Variants in CORIN observed in about 807,000 individuals in gnomAD.
CORIN encodes the protein corin, serine peptidase, also known as atrial natriuretic peptide-converting enzyme.
A neutral mutation model predicts 125.3 loss-of-function variants in CORIN; 117 were observed. The ratio of observed to expected loss-of-function variants is 0.93; its 90% CI spans 0.80 to 1.09. CORIN has a LOEUF of 1.09. CORIN is among the 50% of genes least tolerant of loss of function. The probability of loss-of-function intolerance (pLI) is 0.00; values close to 1 mark genes in which losing one functional copy is unlikely to be tolerated. For synonymous variants in CORIN, 450 were observed against 466.4 expected (o/e 0.96, Z 0.45); for missense variants, 1,253 against 1,306.7 (o/e 0.96, Z 0.63).
At chr4:47,609,280 C>A (rs544630407) in intron 19 of CORIN, among the ~76,000 whole-genome samples, 13 of 152,072 alleles carry the variant, frequency 8.5e-5, no homozygotes, top group Non-Finnish European at 1.6e-4. Flanking sequence ...ACTCTTGTCA[C>A]CCCGGCTGAA....
At chr4:47,760,214 G>T (rs1427107323) in intron 4 of CORIN, among the ~76,000 whole-genome samples, 2 of 152,206 alleles carry the variant, frequency 1.3e-5, no homozygotes, top group Non-Finnish European at 2.9e-5. Context: ...TAACAGGCAA[G>T]AAAACAACAT....
intron 6 of CORIN, among the ~76,000 whole-genome samples, chr4:47,690,043 T>C (rs1020447787): frequency 2.0e-4 from 31 of 152,118 alleles, no homozygotes; most frequent in Admixed American, 1.6e-3. Context: ...ATCCAACAAA[T>C]ACTTAAGAAG....
intron 16 of CORIN, among the ~76,000 whole-genome samples, chr4:47,631,296 C>T (rs897807683): frequency 4.6e-5 from 7 of 152,114 alleles, no homozygotes; most frequent in African/African-American, 1.7e-4. Context: ...GAGGTGAGTG[C>T]GGGGCAAGCC....
At chr4:47,695,870 A>G (rs1044648150) in intron 5 of CORIN, among the ~76,000 whole-genome samples, 2 of 152,230 alleles carry the variant, frequency 1.3e-5, no homozygotes, top group Middle Eastern at 6.3e-3. Context: ...CATGAGGTCA[A>G]CATTGAAATG....
intron 1 of CORIN, among the ~76,000 whole-genome samples, chr4:47,815,027 G>T (rs549320653): frequency 3.9e-5 from 6 of 152,244 alleles, no homozygotes; most frequent in African/African-American, 1.4e-4. Context: ...TATAACATTA[G>T]TGTTTCTGTT....
chr4:47,619,302 A>T (rs2351787), intron 19 of CORIN, among the ~76,000 whole-genome samples: 40,991 of 152,120 alleles, frequency 0.27, 5,670 homozygotes, highest in Admixed American at 0.35. Flanking sequence ...AAATATAATT[A>T]AAAAAGAGAC....
intron 5 of CORIN, among the ~76,000 whole-genome samples, chr4:47,721,642 CA>C (rs1727356815): frequency 6.6e-6 from 1 of 152,140 alleles, no homozygotes; most frequent in Admixed American, 6.5e-5. Flanking sequence ...GTTACGGTTT[CA>C]GCATGTAAAT....
chr4:47,812,341 GA>G (rs989085643), intron 1 of CORIN, among the ~76,000 whole-genome samples: 5 of 151,578 alleles, frequency 3.3e-5, no homozygotes, highest in African/African-American at 4.8e-5. Flanking sequence ...TCTACAAAAA[GA>G]AAAAAAATTA....
At chr4:47,673,066 GAAGT>G (rs1474950477) in intron 10 of CORIN, among the ~76,000 whole-genome samples, 1 of 152,112 alleles carries the variant, frequency 6.6e-6, no homozygotes, top group Non-Finnish European at 1.5e-5. Context: ...CATGTGTTAA[GAAGT>G]AATACCCTGG....
At chr4:47,727,471 A>G (rs1157730958) in intron 5 of CORIN, among the ~76,000 whole-genome samples, 1 of 152,164 alleles carries the variant, frequency 6.6e-6, no homozygotes, top group African/African-American at 2.4e-5. Flanking sequence ...GATTGAAAGT[A>G]CAACTTTTTG....
intron 2 of CORIN, among the ~76,000 whole-genome samples, chr4:47,793,823 G>T (rs1006069437): frequency 6.6e-6 from 1 of 152,128 alleles, no homozygotes; most frequent in African/African-American, 2.4e-5. Flanking sequence ...AATCATCTGG[G>T]GTGGTTCTTG....
chr4:47,711,037 T>C (rs529974067), intron 5 of CORIN, among the ~76,000 whole-genome samples: 6 of 152,266 alleles, frequency 3.9e-5, no homozygotes, highest in Admixed American at 6.5e-5. Flanking sequence ...CCCTCAGACT[T>C]TGAAGAACAA....
chr4:47,751,222 C>T (rs1166011043), intron 4 of CORIN, among the ~76,000 whole-genome samples: 1 of 152,144 alleles, frequency 6.6e-6, no homozygotes, highest in Non-Finnish European at 1.5e-5. Flanking sequence ...TCAATATTAA[C>T]TCCTTCTCCA....
rs753194647 is a variant in CORIN at position 47,693,058 on chromosome 4, A to G, written c.825T>C (p.Phe275=). The change falls in exon 6 of 22, where the codon TTT becomes TTC. Residue 275 remains phenylalanine (F), a synonymous_variant. Coordinates refer to ENST00000273857, the MANE Select transcript of CORIN (RefSeq NM_006587.4). ...GGATGCAGATTCCACTGGCACACAG[A>G]AAGTTCTCACCCCTTCCACAGAGCA... is the stretch of plus-strand genomic sequence containing the variant. ...KQLLCGRGEN[F]LCASGICIPG... is the part of the protein sequence containing the mutation. The G allele has an allele frequency of 6.2e-7, 1 of 1,613,536 alleles. No homozygotes were observed. The highest frequency in any genetic ancestry group is 1.3e-5 in the African/African-American group (1 of 74,884).
At chr4:47,649,166 G>A (rs1723621484) in intron 13 of CORIN, among the ~76,000 whole-genome samples, 1 of 152,220 alleles carries the variant, frequency 6.6e-6, no homozygotes, top group Non-Finnish European at 1.5e-5. Flanking sequence ...GTTATGGCAT[G>A]CTCTTCACAT....
intron 4 of CORIN, among the ~76,000 whole-genome samples, chr4:47,761,328 A>G (rs981183998): frequency 6.6e-6 from 1 of 152,202 alleles, no homozygotes; most frequent in African/African-American, 2.4e-5. Flanking sequence ...CTTAGAGGCC[A>G]TTGTAGGGTT....
intron 10 of CORIN, among the ~76,000 whole-genome samples, chr4:47,669,861 A>ATG (rs1724664750): frequency 1.3e-5 from 2 of 152,022 alleles, no homozygotes; most frequent in Non-Finnish European, 2.9e-5. Flanking sequence ...GAGCCACCGC[A>ATG]CCCGGCTTCT....
intron 12 of CORIN, among the ~76,000 whole-genome samples, chr4:47,657,641 C>T (rs538146334): frequency 6.6e-6 from 1 of 151,862 alleles, no homozygotes; most frequent in Non-Finnish European, 1.5e-5. Flanking sequence ...CTAGAGTCTG[C>T]TTGGTTTCTA....
intron 1 of CORIN, among the ~76,000 whole-genome samples, chr4:47,833,170 C>G (rs1300546056): frequency 1.3e-5 from 2 of 150,810 alleles, no homozygotes; most frequent in African/African-American, 4.8e-5. Context: ...AAATATATTA[C>G]AAAGCTACAC....
Sources: allele counts gnomAD v4.1 joint callset (sites outside exome capture counted in the v4.1 genomes callset), GRCh38; gene constraint gnomAD v4.1.1; transcripts MANE v1.5; gene names NCBI Gene and HGNC (gene_info 2026-07-23, HGNC 2026-07-21).